Variants in ARK2N observed in about 807,000 individuals in gnomAD.
ARK2N encodes protein ARK2N.
At chr18:46,241,260 A>T in the ARK2N span, among the ~76,000 whole-genome samples, 1 of 152,136 alleles carries the variant, frequency 6.6e-6, no homozygotes, top group Admixed American at 6.5e-5. Context: ...TTGGAACTGA[A>T]CCTGAATTTA....
At chr18:46,209,355 T>C in the ARK2N span, among the ~76,000 whole-genome samples, 1 of 151,730 alleles carries the variant, frequency 6.6e-6, no homozygotes, top group South Asian at 2.1e-4. Context: ...TAAGCTTTGC[T>C]GACCAAGAAG....
the ARK2N span, among the ~76,000 whole-genome samples, chr18:46,253,528 C>A: frequency 6.6e-6 from 1 of 152,140 alleles, no homozygotes; most frequent in East Asian, 1.9e-4. Flanking sequence ...ATTTTTTGAA[C>A]AAAGAACACT....
At chr18:46,246,903 T>G in the ARK2N span, among the ~76,000 whole-genome samples, 1,479 of 149,206 alleles carry the variant, frequency 9.9e-3, 29 homozygotes, top group African/African-American at 0.035. Context: ...ATCACATCTT[T>G]GCACTCCAGC....
At chr18:46,239,000 G>A in the ARK2N span, among the ~76,000 whole-genome samples, 3 of 152,104 alleles carry the variant, frequency 2.0e-5, no homozygotes, top group South Asian at 2.1e-4. Context: ...AACAGCATTC[G>A]TTTATTTCTG....
chr18:46,261,642 T>C, the ARK2N span, among the ~76,000 whole-genome samples: 1 of 152,214 alleles, frequency 6.6e-6, no homozygotes, highest in Non-Finnish European at 1.5e-5. Context: ...TTTCTCTAGC[T>C]AATCTTTGAA....
At chr18:46,235,708 T>C in the ARK2N span, among the ~76,000 whole-genome samples, 7 of 152,222 alleles carry the variant, frequency 4.6e-5, no homozygotes, top group African/African-American at 1.4e-4. Flanking sequence ...TATAGTCTAT[T>C]GTGGTTTCAC....
chr18:46,229,581 T>C, the ARK2N span, among the ~76,000 whole-genome samples: 3 of 151,862 alleles, frequency 2.0e-5, no homozygotes, highest in Non-Finnish European at 4.4e-5. Context: ...CCTGACGTCA[T>C]GATCCGCCTG....
chr18:46,183,386 T>A, the ARK2N span, among the ~76,000 whole-genome samples: 1 of 152,212 alleles, frequency 6.6e-6, no homozygotes, highest in African/African-American at 2.4e-5. Context: ...GTTTCTATAA[T>A]ATATATTCTT....
At chr18:46,209,272 T>A in the ARK2N span, among the ~76,000 whole-genome samples, 7 of 151,260 alleles carry the variant, frequency 4.6e-5, no homozygotes, top group Non-Finnish European at 8.8e-5. Flanking sequence ...CTGTAGCAGA[T>A]GTTATAATAC....
chr18:46,195,164 A>G, the ARK2N span, among the ~76,000 whole-genome samples: 3 of 151,750 alleles, frequency 2.0e-5, no homozygotes, highest in Admixed American at 6.6e-5. Context: ...TTCCCTGTGT[A>G]CCTACTTATT....
the ARK2N span, among the ~76,000 whole-genome samples, chr18:46,237,890 A>C: frequency 1.1e-4 from 16 of 152,322 alleles, no homozygotes; most frequent in African/African-American, 3.8e-4. Context: ...CAGTGATCAT[A>C]ATTTATTTTC....
the ARK2N span, among the ~76,000 whole-genome samples, chr18:46,195,868 G>A: frequency 6.0e-4 from 91 of 152,158 alleles, 1 homozygote; most frequent in East Asian, 6.2e-3. Flanking sequence ...GAGCCACTGT[G>A]CCTGGTCCAG....
chr18:46,186,697 A>C, the ARK2N span, among the ~76,000 whole-genome samples: 1 of 151,580 alleles, frequency 6.6e-6, no homozygotes, highest in African/African-American at 2.4e-5. Context: ...TTTAGTAGAG[A>C]GGGGGTTTCA....
chr18:46,256,531 C>T, the ARK2N span, among the ~76,000 whole-genome samples: 1 of 152,186 alleles, frequency 6.6e-6, no homozygotes. Context: ...CCCTATTCTA[C>T]ACTTGAACAA....
At chr18:46,184,738 C>T in the ARK2N span, among the ~76,000 whole-genome samples, 7 of 152,204 alleles carry the variant, frequency 4.6e-5, no homozygotes, top group Non-Finnish European at 8.8e-5. Context: ...ACAACAACAA[C>T]AACAACAAAG....
chr18:46,200,985 T>TTCTTTTC, the ARK2N span, among the ~76,000 whole-genome samples: 66 of 140,410 alleles, frequency 4.7e-4, no homozygotes, highest in African/African-American at 1.9e-3. Context: ...TTTTCTTTTT[T>TTCTTTTC]TTTTTTTTTT....
the ARK2N span, among the ~76,000 whole-genome samples, chr18:46,214,428 T>C: frequency 2.0e-5 from 3 of 152,250 alleles, no homozygotes; most frequent in African/African-American, 7.2e-5. Flanking sequence ...AGATTTTCAA[T>C]AGGTTCTTGG....
the ARK2N span, among the ~76,000 whole-genome samples, chr18:46,222,301 A>G: frequency 6.6e-6 from 1 of 152,222 alleles, no homozygotes; most frequent in East Asian, 1.9e-4. Context: ...GCTAATGGGT[A>G]TCAAGTTCTA....
chr18:46,255,440 C>CTTT, the ARK2N span, among the ~76,000 whole-genome samples: 1 of 108,920 alleles, frequency 9.2e-6, no homozygotes, highest in African/African-American at 3.6e-5. Context: ...CTTTTCTTTT[C>CTTT]TTTTCTTTTT....
Sources: allele counts gnomAD v4.1 joint callset (sites outside exome capture counted in the v4.1 genomes callset), GRCh38; gene constraint gnomAD v4.1.1; transcripts MANE v1.5; gene names NCBI Gene and HGNC (gene_info 2026-07-23, HGNC 2026-07-21).